The following CLSPN variants were observed in gnomAD, a reference collection of about 807,000 sequenced individuals.
CLSPN encodes the protein claspin homolog.
Under a neutral mutation model 156.3 loss-of-function variants are expected in CLSPN, and 85 were observed. The ratio of observed to expected loss-of-function variants is 0.54; its 90% CI spans 0.46 to 0.65. The LOEUF is 0.65. Among genes scored for constraint, CLSPN ranks in the 30% least tolerant of loss-of-function variants. CLSPN has a pLI of 0.00. For synonymous variants in CLSPN, 534 were observed against 542.4 expected, an observed-to-expected ratio of 0.98 and a Z score of 0.22; for missense variants, 1,407 against 1,554.9, an observed-to-expected ratio of 0.90 and a Z score of 1.60.
chr1:35,725,752 C>G (rs1271788984), intron 24 of CLSPN, among the ~76,000 whole-genome samples: 1 of 152,132 alleles, frequency 6.6e-6, no homozygotes, highest in East Asian at 1.9e-4. Context: ...ATAAACCGCT[C>G]TGCTCCAGCA....
chr1:35,768,197 G>A (rs184967653), intron 1 of CLSPN, among the ~76,000 whole-genome samples: 174 of 152,122 alleles, frequency 1.1e-3, no homozygotes, highest in African/African-American at 4.1e-3. Context: ...GTAAAACCCC[G>A]TATCTACTAA....
In CLSPN at chr1:35,745,580, A is replaced by C. The variant is rs749478644; in HGVS notation, c.2855-18T>G. 1 of 1,514,054 alleles carries C rather than the reference A, an allele frequency of 6.6e-7. No homozygotes were observed. The highest frequency in any genetic ancestry group is 9.2e-7 in the Non-Finnish European group (1 of 1,088,724). 93.8% of individuals were successfully genotyped at this position (1,514,054 alleles called of 1,614,324 possible). On this transcript the variant is annotated intron_variant, in intron 15 of 24. Coordinates refer to ENST00000318121, the MANE Select transcript of CLSPN (RefSeq NM_022111.4). The stretch of plus-strand genomic sequence containing the variant: ...GGAGGCATCTACATCACAACAAGGA[A>C]AAGATGTGTCACCAAGGAATGATAG...
chr1:35,737,436 CAG>C lies in CLSPN; in HGVS notation c.3665-17_3665-16del, dbSNP rs1641516876. 3 of 1,598,934 alleles carry C rather than the reference CAG, an allele frequency of 1.9e-6. No individual in the cohort carries two copies. Among genetic ancestry groups the C allele is most frequent in the Non-Finnish European group, 2.6e-6 (3 of 1,166,522 alleles). ...AGGGCGACTGGCTGGAAAGAAAAGACAGAGAGGCCTATTCTGGGAAAAGCTGA... is the reference window on the plus strand; with the variant it reads ...AGGGCGACTGGCTGGAAAGAAAAGACAGAGGCCTATTCTGGGAAAAGCTGA... On this transcript the variant is annotated splice_polypyrimidine_tract_variant and intron_variant, in intron 22 of 24. Coordinates refer to ENST00000318121, the MANE Select transcript of CLSPN (RefSeq NM_022111.4).
intron 19 of CLSPN, 48 bp from the exon 20 acceptor site, chr1:35,739,305 G>A (rs769915946): frequency 1.9e-6 from 3 of 1,613,930 alleles, no homozygotes; most frequent in South Asian, 1.1e-5. Context: ...ATTCTGGCTG[G>A]TTACAGGGCT....
intron 24 of CLSPN, among the ~76,000 whole-genome samples, chr1:35,726,167 A>AAAAAAAAAAAAAAAAAAC (rs1641184173): frequency 6.7e-6 from 1 of 150,080 alleles, no homozygotes; most frequent in Non-Finnish European, 1.5e-5. Context: ...AAAAAAAAAA[A>AAAAAAAAAAAAAAAAAAC]AAAAAAAAGC....
rs535426247 is a variant in CLSPN, at chr1:35,733,281, C to T, written c.*3215G>A. The T allele has an allele frequency of 1.9e-5, 4 of 205,274 alleles. No homozygotes were observed. The highest frequency in any genetic ancestry group is 6.6e-5 in the Admixed American group (1 of 15,154). The allele number at this position is 205,274 out of a possible 1,614,324, so 12.7% of individuals were successfully genotyped here. ...CCACGCCCAGCCCAGAAACCATTTT[C>T]TCCCTGGATTTCTCAGGCACTAATT... On this transcript the variant is annotated 3_prime_UTR_variant, in exon 25 of 25. Transcript: ENST00000318121.
downstream of CLSPN, among the ~76,000 whole-genome samples, chr1:35,728,424 C>A (rs1309913217): frequency 6.6e-6 from 1 of 152,154 alleles, no homozygotes; most frequent in Non-Finnish European, 1.5e-5. Flanking sequence ...AGCTACAGAG[C>A]AAGCCACCAT....
chr1:35,764,244 C>A (rs747897284), intron 3 of CLSPN, 22 bp downstream of exon 3: 16 of 1,480,338 alleles, frequency 1.1e-5, no homozygotes, highest in African/African-American at 1.4e-5. Context: ...CAAGCAATAG[C>A]AAATTATTCT....
At chr1:35,753,716 C>CA (rs3831243) in intron 9 of CLSPN, 29 bp downstream of exon 9, 92,328 of 1,609,596 alleles carry the variant, frequency 0.057, 3,728 homozygotes, top group African/African-American at 0.22. Flanking sequence ...AAGCAAAAAG[C>CA]AAAAAACAAA....
rs1424939797 is a variant in CLSPN at position 35,733,722 on chromosome 1, G to A, written c.*2774C>T. The A allele has an allele frequency of 1.0e-6, 1 of 983,664 alleles. No homozygotes were observed. Among genetic ancestry groups the A allele is most frequent in the African/African-American group, 1.7e-5 (1 of 57,162 alleles). The allele number at this position is 983,664 out of a possible 1,614,324, so 60.9% of individuals were successfully genotyped here. A position where few individuals can be genotyped will look rare whatever the true frequency, so the allele number is the denominator to read the frequency against. Reference sequence around the variant, plus strand: ...GGCTGGGCATGGTGGCTGAGCCTGTGACCCCAGCATTTTGGGAGGCCAAGG... The same window carrying A: ...GGCTGGGCATGGTGGCTGAGCCTGTAACCCCAGCATTTTGGGAGGCCAAGG... On this transcript the variant is annotated 3_prime_UTR_variant, in exon 25 of 25. Coordinates refer to ENST00000318121, the MANE Select transcript of CLSPN (RefSeq NM_022111.4).
intron 24 of CLSPN, among the ~76,000 whole-genome samples, chr1:35,721,744 CTT>C (rs1641078674): frequency 6.6e-6 from 1 of 152,024 alleles, no homozygotes; most frequent in African/African-American, 2.4e-5. Flanking sequence ...GAAGAAAACT[CTT>C]AGTCCTTAGG....
downstream of CLSPN, among the ~76,000 whole-genome samples, chr1:35,727,269 C>T (rs1641213322): frequency 6.6e-6 from 1 of 152,196 alleles, no homozygotes; most frequent in South Asian, 2.1e-4. Context: ...AGAGGCTGAT[C>T]TACAAGACAA....
At chr1:35,752,180 T>C (rs763691464) in intron 9 of CLSPN, among the ~76,000 whole-genome samples, 8 of 152,180 alleles carry the variant, frequency 5.3e-5, no homozygotes, top group Non-Finnish European at 1.0e-4. Context: ...AATATAACAC[T>C]GTATGCAATA....
At chr1:35,759,239 A>G (rs974018444) in intron 8 of CLSPN, among the ~76,000 whole-genome samples, 2 of 152,250 alleles carry the variant, frequency 1.3e-5, no homozygotes, top group African/African-American at 4.8e-5. Flanking sequence ...GGAACAAGGC[A>G]GAAGATACCA....
In CLSPN at chr1:35,748,399, T is replaced by C; in HGVS notation, c.2472+6A>G. The C allele has an allele frequency of 1.2e-6, 2 of 1,612,724 alleles. No individual in the cohort carries two copies. The highest frequency in any genetic ancestry group is 8.5e-7 in the Non-Finnish European group (1 of 1,178,790). ...GAGGAGATTAGAAAAACCATTACCATCTTACCTTAGAAGCTGAGCTGACCA... is the reference window on the plus strand; with the variant it reads ...GAGGAGATTAGAAAAACCATTACCACCTTACCTTAGAAGCTGAGCTGACCA... On this transcript the variant is annotated splice_donor_region_variant and intron_variant, in intron 13 of 24. Transcript: ENST00000318121.
rs146650981 is a variant in CLSPN at position 35,734,122 on chromosome 1, C to T, written c.*2374G>A. 3.4e-4 allele frequency: 335 copies of T among 985,412 alleles called. 1 individual carries two copies. In the African/African-American group the frequency reaches 5.1e-3, roughly 15 times the overall value. The allele number at this position is 985,412 out of a possible 1,614,324, so 61.0% of individuals were successfully genotyped here. A position where few individuals can be genotyped will look rare whatever the true frequency, so the allele number is the denominator to read the frequency against. On this transcript the variant is annotated 3_prime_UTR_variant, in exon 25 of 25. Transcript: ENST00000318121. ...TAGGACTGAGAAGCCAGTGAGGGGA[C>T]AATTGCAGCAGCTTCTCAGTTTAGA...
chr1:35,763,418 A>G, intron 3 of CLSPN, 97 bp from the exon 4 acceptor site: 3 of 834,454 alleles, frequency 3.6e-6, no homozygotes, highest in Admixed American at 5.9e-5. Flanking sequence ...GAAAAAGCCC[A>G]TGTTTCATCA....
chr1:35,768,927 C>T (rs1642767789), intron 1 of CLSPN, among the ~76,000 whole-genome samples: 1 of 151,982 alleles, frequency 6.6e-6, no homozygotes, highest in Non-Finnish European at 1.5e-5. Context: ...AACATTAATG[C>T]AATATTTTTT....
At chr1:35,725,874 C>A (rs1446766152) in intron 24 of CLSPN, among the ~76,000 whole-genome samples, 1 of 152,082 alleles carries the variant, frequency 6.6e-6, no homozygotes, top group Admixed American at 6.6e-5. Context: ...ACAGAGAAGA[C>A]AGGCTGGGGA....
Sources: gnomAD v4.1 joint callset for allele counts (sites outside exome capture counted in the v4.1 genomes callset) on GRCh38, gnomAD v4.1.1 for gene constraint, MANE v1.5 for transcripts, NCBI Gene and HGNC (gene_info 2026-07-23, HGNC 2026-07-21) for gene names.